STK10: variants seen among roughly 807,000 people sequenced by gnomAD.
STK10 encodes serine/threonine-protein kinase 10.
STK10 carries 78 observed loss-of-function variants against 113.8 expected under a neutral mutation model. That is an observed-to-expected ratio of 0.69 (90% CI 0.57 to 0.83). The LOEUF (loss-of-function observed/expected upper bound fraction) is 0.83, where lower values mean the gene tolerates loss of function less well. Ranked by LOEUF, STK10 falls within the 40% of genes least tolerant of loss-of-function variation. The pLI is 0.00. For synonymous variants in STK10, 465 were observed against 494.7 expected (o/e 0.94, Z 0.80); for missense variants, 1,109 against 1,280.1 (o/e 0.87, Z 2.04).
intron 2 of STK10, among the ~76,000 whole-genome samples, chr5:172,139,505 A>AG (rs1401079005): frequency 2.0e-5 from 3 of 151,852 alleles, no homozygotes; most frequent in Non-Finnish European, 4.4e-5. Context: ...AAAAAAAAAA[A>AG]AAAAGAAAAG....
Position 172,055,592 on chromosome 5 carries a change from T to C in STK10, c.2522A>G (p.Lys841Arg). 6.7e-7 allele frequency: 1 copy of C among 1,487,668 alleles called. No individual in the cohort carries two copies. Among genetic ancestry groups the C allele is most frequent in the Non-Finnish European group, 9.0e-7 (1 of 1,110,214 alleles). 92.2% of individuals were successfully genotyped at this position (1,487,668 alleles called of 1,614,324 possible). The change falls in exon 16 of 19, where the codon AAG (lysine) becomes AGG (arginine). Residue 841 changes from lysine (K) to arginine (R), a missense_variant. Lys to Arg is a conservative substitution (Grantham distance 26). This residue lies in a region of STK10 where 885 missense variants were observed against 991.1 expected (regional missense o/e 0.89). Coordinates refer to ENST00000176763, the MANE Select transcript of STK10 (RefSeq NM_005990.4). ...CCCCGCAGGCCCGGCCCCCACCTGC[T>C]TGATCTTCTCACGCTGCTCAGCTGC... is the stretch of plus-strand genomic sequence containing the variant. ...GSAAEQREKIKQFSQQEEKRQ... is the reference protein window; with the variant it reads ...GSAAEQREKIRQFSQQEEKRQ...
intron 18 of STK10, among the ~76,000 whole-genome samples, chr5:172,047,683 G>C (rs1209735654): frequency 6.6e-6 from 1 of 152,146 alleles, no homozygotes; most frequent in African/African-American, 2.4e-5. Flanking sequence ...CACAGTTACA[G>C]TAAGCAGAAC....
chr5:172,108,852 T>C (rs1208132458), intron 4 of STK10, among the ~76,000 whole-genome samples: 2 of 151,514 alleles, frequency 1.3e-5, no homozygotes, highest in Non-Finnish European at 2.9e-5. Flanking sequence ...TGGCGCAATC[T>C]TGGCTCACTG....
chr5:172,081,351 C>CA (rs58173076), intron 12 of STK10, among the ~76,000 whole-genome samples: 2,718 of 68,002 alleles, frequency 0.04, 34 homozygotes, highest in East Asian at 0.068. Context: ...ACTCCATCTC[C>CA]AAAAAAAAAA....
At chr5:172,121,006 TTTG>T (rs146370766) in intron 3 of STK10, among the ~76,000 whole-genome samples, 6 of 151,720 alleles carry the variant, frequency 4.0e-5, no homozygotes, top group Non-Finnish European at 5.9e-5. Context: ...AATTTTGTTT[TTTG>T]TTGTTGTTGT....
intron 1 of STK10, among the ~76,000 whole-genome samples, chr5:172,182,327 A>G (rs75063648): frequency 9.9e-4 from 146 of 146,952 alleles, no homozygotes; most frequent in African/African-American, 3.3e-3. Flanking sequence ...AAAAAAAAAA[A>G]GGCTTAAAAA....
intron 12 of STK10, among the ~76,000 whole-genome samples, chr5:172,070,263 C>A (rs6555993): frequency 0.44 from 65,648 of 148,736 alleles, 15,111 homozygotes; most frequent in African/African-American, 0.55. Flanking sequence ...AAATATATAT[C>A]TATATATCTA....
At chr5:172,116,065 GTTTT>G (rs1367234311) in intron 4 of STK10, among the ~76,000 whole-genome samples, 1 of 151,884 alleles carries the variant, frequency 6.6e-6, no homozygotes, top group Non-Finnish European at 1.5e-5. Context: ...TGTGTTGTTT[GTTTT>G]TTTGTTTTTG....
At chr5:172,162,059 G>A (rs1452809359) in intron 1 of STK10, among the ~76,000 whole-genome samples, 1 of 152,202 alleles carries the variant, frequency 6.6e-6, no homozygotes, top group African/African-American at 2.4e-5. Context: ...AGCTTGTTTA[G>A]GCCGGGCGCA....
intron 10 of STK10, among the ~76,000 whole-genome samples, chr5:172,086,617 A>G (rs1211758817): frequency 1.3e-5 from 2 of 152,150 alleles, no homozygotes; most frequent in Non-Finnish European, 2.9e-5. Flanking sequence ...GCTCAGCCAC[A>G]TGGTTCAGAT....
intron 18 of STK10, among the ~76,000 whole-genome samples, chr5:172,046,333 G>A (rs1413370764): frequency 4.1e-5 from 6 of 147,466 alleles, no homozygotes; most frequent in Non-Finnish European, 8.9e-5. Flanking sequence ...CTCTAGCCTG[G>A]GTGACAGAGC....
At chr5:172,091,220 T>G (rs1281311347) in intron 9 of STK10, among the ~76,000 whole-genome samples, 2 of 152,190 alleles carry the variant, frequency 1.3e-5, no homozygotes, top group Non-Finnish European at 2.9e-5. Flanking sequence ...TCCTCGCGCA[T>G]GGTGCCAAAA....
At chr5:172,092,064 C>T (rs1394731399) in intron 9 of STK10, among the ~76,000 whole-genome samples, 1 of 152,222 alleles carries the variant, frequency 6.6e-6, no homozygotes, top group African/African-American at 2.4e-5. Context: ...CAGCATGGAC[C>T]CAGCATGCCC....
chr5:172,117,443 AC>A (rs942018254), intron 4 of STK10, 37 bp downstream of exon 4: 7 of 1,604,732 alleles, frequency 4.4e-6, no homozygotes, highest in Non-Finnish European at 5.9e-6. Flanking sequence ...CCAGGCAGAC[AC>A]CCTGTGGCTC....
intron 4 of STK10, 80 bp from the exon 5 acceptor site, chr5:172,107,932 A>G (rs998889055): frequency 8.1e-7 from 1 of 1,239,864 alleles, no homozygotes; most frequent in African/African-American, 1.5e-5. Context: ...AGGGGTACAC[A>G]TTCCAAGTCG....
At chr5:172,107,098 G>A (rs1769131549) in intron 5 of STK10, 2 of 265,608 alleles carry the variant, frequency 7.5e-6, no homozygotes, top group South Asian at 1.0e-4. Context: ...GGTGGGAGCG[G>A]AGGGGAAGGT....
chr5:172,116,283 T>A (rs1769382142), intron 4 of STK10, among the ~76,000 whole-genome samples: 1 of 151,956 alleles, frequency 6.6e-6, no homozygotes, highest in African/African-American at 2.4e-5. Context: ...GGTTTCGCCA[T>A]GTTGGCCAGG....
At chr5:172,157,754 C>G (rs1352461828) in intron 1 of STK10, among the ~76,000 whole-genome samples, 1 of 151,858 alleles carries the variant, frequency 6.6e-6, no homozygotes, top group Admixed American at 6.6e-5. Context: ...CCACGCCTGG[C>G]TAAATTTTGT....
intron 14 of STK10, among the ~76,000 whole-genome samples, chr5:172,058,002 CCTT>C (rs1767846910): frequency 6.6e-6 from 1 of 152,186 alleles, no homozygotes; most frequent in African/African-American, 2.4e-5. Context: ...GTGAGATCCT[CCTT>C]GTCTCCTGCA....
Sources: gnomAD v4.1 joint callset for allele counts (sites outside exome capture counted in the v4.1 genomes callset) on GRCh38, gnomAD v4.1.1 for gene constraint, gnomAD v4.1.1 regional missense constraint, MANE v1.5 for transcripts, NCBI Gene and HGNC (gene_info 2026-07-23, HGNC 2026-07-21) for gene names.